U2SURP: variants seen among roughly 807,000 people sequenced by gnomAD.
The protein encoded by U2SURP is U2 snRNP-associated SURP motif-containing protein.
In U2SURP, 9 loss-of-function variants were observed where a neutral mutation model predicts 144.9. The ratio of observed to expected loss-of-function variants is 0.06; its 90% CI spans 0.04 to 0.11. The LOEUF is 0.11. U2SURP is among the 10% of genes least tolerant of loss of function. The pLI, the probability that U2SURP is intolerant of heterozygous loss-of-function variation, is 1.00. For missense variants in U2SURP, 724 were observed against 1,226.7 expected (o/e 0.59, Z 6.12); for synonymous variants, 408 against 396.8 (o/e 1.03, Z -0.33).
At chr3:143,005,792 A>G (rs1259002499) in intron 1 of U2SURP, among the ~76,000 whole-genome samples, 1 of 150,714 alleles carries the variant, frequency 6.6e-6, no homozygotes, top group Non-Finnish European at 1.5e-5. Context: ...CATTGAGAGA[A>G]GAGCTCATTT....
Position 143,016,928 on chromosome 3 carries a change from T to C in U2SURP, c.523T>C (p.Ser175Pro). The C allele has an allele frequency of 6.3e-7, 1 of 1,593,896 alleles. No individual in the cohort carries two copies. Among genetic ancestry groups the C allele is most frequent in the South Asian group, 1.1e-5 (1 of 87,284 alleles). ...TCAAAAAAATCCTCCAAATCAGTCT[T>C]CCAATGAAAGACCACCATCTCTTCT... is the stretch of plus-strand genomic sequence containing the variant. Reference protein sequence around the residue: ...ADQKNPPNQSSNERPPSLLVI... With the variant: ...ADQKNPPNQSPNERPPSLLVI... The change falls in exon 6 of 28, where the codon TCC (serine) becomes CCC (proline). Residue 175 changes from serine (S) to proline (P), a missense_variant. By Grantham distance (74) the Ser-to-Pro change is moderately conservative (BLOSUM62 -1). This residue lies in a region of U2SURP where 115 missense variants were observed against 258.1 expected (regional missense o/e 0.45). Coordinates refer to ENST00000473835, the MANE Select transcript of U2SURP (RefSeq NM_001080415.2).
chr3:143,003,978 C>T (rs1329623100), intron 1 of U2SURP, among the ~76,000 whole-genome samples: 1 of 152,182 alleles, frequency 6.6e-6, no homozygotes, highest in Non-Finnish European at 1.5e-5. Flanking sequence ...GCGTGAGCCA[C>T]CGTGCCCCGC....
chr3:143,029,237 G>A (rs1933334128), intron 16 of U2SURP, among the ~76,000 whole-genome samples: 1 of 152,174 alleles, frequency 6.6e-6, no homozygotes, highest in Non-Finnish European at 1.5e-5. Context: ...TTAGAATATA[G>A]AATTAAGTAC....
intron 3 of U2SURP, among the ~76,000 whole-genome samples, chr3:143,013,782 CA>C (rs1426610257): frequency 1.3e-5 from 2 of 151,960 alleles, no homozygotes; most frequent in Non-Finnish European, 2.9e-5. Context: ...ATTTTAATCC[CA>C]GCAAAGAATG....
intron 1 of U2SURP, chr3:143,002,154 A>G: frequency 4.7e-6 from 1 of 212,862 alleles, no homozygotes; most frequent in East Asian, 1.8e-4. Flanking sequence ...GCCAGCTGTG[A>G]GGGGAGGACC....
At chr3:143,014,799 C>G (rs1936282312) in intron 4 of U2SURP, among the ~76,000 whole-genome samples, 1 of 151,932 alleles carries the variant, frequency 6.6e-6, no homozygotes, top group Admixed American at 6.6e-5. Context: ...AGAAATACTC[C>G]TTATTCATTT....
chr3:143,056,290 AT>A, intron 27 of U2SURP, 21 bp from the exon 28 acceptor site: 2 of 1,582,300 alleles, frequency 1.3e-6, no homozygotes, highest in Admixed American at 1.8e-5. Flanking sequence ...ATCAATTGGG[AT>A]TTTTTTGTTT....
Position 143,056,947 on chromosome 3 carries a change from C to T in U2SURP, c.*497C>T, listed in dbSNP as rs1210293963. 1 of 153,672 alleles carries T rather than the reference C, an allele frequency of 6.5e-6. No homozygotes were observed. The highest frequency in any genetic ancestry group is 1.5e-5 in the Non-Finnish European group (1 of 68,734). The allele number at this position is 153,672 out of a possible 1,614,324, so 9.5% of individuals were successfully genotyped here. A position where few individuals can be genotyped will look rare whatever the true frequency, so the allele number is the denominator to read the frequency against. On this transcript the variant is annotated 3_prime_UTR_variant, in exon 28 of 28. Coordinates refer to ENST00000473835, the MANE Select transcript of U2SURP (RefSeq NM_001080415.2). ...TATACCTGATGCACTTTATAAGCCCCAGTGTTCAAGTAGCTTAAGTTTTAT... is the reference window on the plus strand; with the variant it reads ...TATACCTGATGCACTTTATAAGCCCTAGTGTTCAAGTAGCTTAAGTTTTAT...
At chr3:143,050,848 A>T in intron 24 of U2SURP, 91 bp from the exon 25 acceptor site, 1 of 796,452 alleles carries the variant, frequency 1.3e-6, no homozygotes, top group Non-Finnish European at 2.0e-6. Context: ...AGTACTAATT[A>T]GTTACTACTT....
chr3:143,037,588 A>G (rs968414578), intron 21 of U2SURP, among the ~76,000 whole-genome samples: 11 of 152,100 alleles, frequency 7.2e-5, no homozygotes, highest in African/African-American at 2.4e-4. Flanking sequence ...TCAGCCTCCT[A>G]TAATATTAGC....
In U2SURP at chr3:143,059,052, T is replaced by G. The variant is rs1440732992; in HGVS notation, c.*2602T>G. ...AGAAAATAAGTAAGTCTTGATCTGT[T>G]TCTTACCAAAGAGAGACAGACCTAT... On this transcript the variant is annotated 3_prime_UTR_variant, in exon 28 of 28. Transcript: ENST00000473835. The G allele has an allele frequency of 3.9e-5, 6 of 152,294 alleles. No homozygotes were observed. In the East Asian group the frequency reaches 1.2e-3, roughly 29 times the overall value. The allele number at this position is 152,294 out of a possible 1,614,324, so 9.4% of individuals were successfully genotyped here.
intron 24 of U2SURP, among the ~76,000 whole-genome samples, chr3:143,050,106 G>C (rs1012954482): frequency 1.9e-4 from 29 of 151,908 alleles, no homozygotes; most frequent in African/African-American, 6.8e-4. Context: ...GAGTTTTGCT[G>C]TTGTTTCCCA....
At chr3:143,025,547 G>T (rs957119288) in intron 13 of U2SURP, among the ~76,000 whole-genome samples, 1 of 152,058 alleles carries the variant, frequency 6.6e-6, no homozygotes, top group Non-Finnish European at 1.5e-5. Flanking sequence ...GGGAGTTTTG[G>T]AATTGAATCA....
rs777466341 is a variant in U2SURP at position 143,037,295 on chromosome 3, C to A, written c.2181C>A (p.Val727=). The A allele has an allele frequency of 1.9e-6, 3 of 1,612,260 alleles. No homozygotes were observed. Among genetic ancestry groups the A allele is most frequent in the Non-Finnish European group, 2.5e-6 (3 of 1,179,136 alleles). ...DATPIDDLDG[V]PIKSLDDDLD... is the part of the protein sequence containing the mutation. ...CTCCCATCGATGATCTTGATGGAGT[C>A]CCTATAAAAAGTCTTGATGATGATC... The change falls in exon 21 of 28, where the codon GTC becomes GTA. Residue 727 remains valine, a synonymous_variant. Coordinates refer to ENST00000473835, the MANE Select transcript of U2SURP (RefSeq NM_001080415.2).
At chr3:143,019,741 G>A (rs2108281374) in intron 6 of U2SURP, among the ~76,000 whole-genome samples, 1 of 152,244 alleles carries the variant, frequency 6.6e-6, no homozygotes, top group African/African-American at 2.4e-5. Context: ...TAATTTCCCT[G>A]ACTACTGGTT....
intron 1 of U2SURP, chr3:143,002,115 C>T (rs562486546): frequency 4.6e-5 from 11 of 238,984 alleles, no homozygotes; most frequent in African/African-American, 7.1e-5. Context: ...CCTCAGTTTC[C>T]CTCCAAGGAA....
chr3:143,045,524 T>A (rs1487909997), intron 24 of U2SURP, among the ~76,000 whole-genome samples: 2 of 152,230 alleles, frequency 1.3e-5, no homozygotes, highest in Non-Finnish European at 2.9e-5. Flanking sequence ...TCTGTTTCCT[T>A]ATTAACTTAA....
chr3:143,006,894 CGTG>C (rs1454715513), intron 1 of U2SURP, among the ~76,000 whole-genome samples: 2 of 152,064 alleles, frequency 1.3e-5, no homozygotes, highest in Non-Finnish European at 2.9e-5. Context: ...AGAGGAGAAA[CGTG>C]GGAGATTAGG....
At chr3:143,005,187 A>T (rs1935772874) in intron 1 of U2SURP, among the ~76,000 whole-genome samples, 1 of 82,364 alleles carries the variant, frequency 1.2e-5, no homozygotes, top group Non-Finnish European at 2.3e-5. Flanking sequence ...AAATTGAGTT[A>T]GGTGAATGGA....
Sources: allele counts gnomAD v4.1 joint callset (sites outside exome capture counted in the v4.1 genomes callset), GRCh38; gene constraint gnomAD v4.1.1; regional missense constraint gnomAD v4.1.1; transcripts MANE v1.5; gene names NCBI Gene and HGNC (gene_info 2026-07-23, HGNC 2026-07-21).